Variants in MGAT4A observed in about 807,000 individuals in gnomAD.
MGAT4A encodes the protein N-acetylglucosaminyltransferase IVa.
A neutral mutation model predicts 74.1 loss-of-function variants in MGAT4A; 33 were observed. That is an observed-to-expected ratio of 0.45 (90% CI 0.34 to 0.60). MGAT4A has a LOEUF of 0.60. Among genes scored for constraint, MGAT4A ranks in the 20% least tolerant of loss-of-function variants. MGAT4A has a pLI of 0.02. For missense variants in MGAT4A, 479 were observed against 628.3 expected, an observed-to-expected ratio of 0.76 and a Z score of 2.54; for synonymous variants, 198 against 210.4, an observed-to-expected ratio of 0.94 and a Z score of 0.51.
At chr2:98,640,735 A>G (rs1701394448) in intron 10 of MGAT4A, among the ~76,000 whole-genome samples, 3 of 152,228 alleles carry the variant, frequency 2.0e-5, no homozygotes. Context: ...ATAAATAGTC[A>G]TGATCCAGAA....
chr2:98,651,699 G>A (rs1178395177), intron 8 of MGAT4A, among the ~76,000 whole-genome samples: 1 of 152,098 alleles, frequency 6.6e-6, no homozygotes, highest in Non-Finnish European at 1.5e-5. Flanking sequence ...AATGGCAATA[G>A]TAAGTCTTTC....
At chr2:98,657,857 G>A (rs546940206) in intron 6 of MGAT4A, among the ~76,000 whole-genome samples, 9 of 152,218 alleles carry the variant, frequency 5.9e-5, no homozygotes, top group African/African-American at 1.9e-4. Flanking sequence ...AAATTACTAC[G>A]TTAAATATCT....
Position 98,675,064 on chromosome 2 carries a change from G to A in MGAT4A, c.374C>T (p.Ala125Val), listed in dbSNP as rs1436778228. The change falls in exon 4 of 16, where the codon GCT becomes GTT. Residue 125 changes from alanine to valine, a missense_variant. Transcript: ENST00000393487. Reference protein sequence around the residue: ...LLKNEGSLQPAVQIGNGRTGV... With the variant: ...LLKNEGSLQPVVQIGNGRTGV... ...TGTTCTTCCGTTGCCAATCTGTACA[G>A]CAGGTTGAAGACTTCCTTCATTTTT... is the stretch of plus-strand genomic sequence containing the variant. The A allele has an allele frequency of 6.2e-7, 1 of 1,611,450 alleles. No individual in the cohort carries two copies. The highest frequency in any genetic ancestry group is 8.5e-7 in the Non-Finnish European group (1 of 1,179,316).
At chr2:98,633,693 G>A (rs897861860) in intron 14 of MGAT4A, among the ~76,000 whole-genome samples, 4 of 152,198 alleles carry the variant, frequency 2.6e-5, no homozygotes, top group Non-Finnish European at 5.9e-5. Context: ...AAGAACATAT[G>A]AGTTGATATT....
At chr2:98,650,986 C>T (rs984246534) in intron 8 of MGAT4A, among the ~76,000 whole-genome samples, 2 of 151,074 alleles carry the variant, frequency 1.3e-5, no homozygotes, top group South Asian at 2.1e-4. Flanking sequence ...TCAGGCTGGG[C>T]GCAGCAAGGT....
intron 6 of MGAT4A, 67 bp from the exon 7 acceptor site, chr2:98,656,532 C>T: frequency 9.3e-7 from 1 of 1,074,386 alleles, no homozygotes; most frequent in Non-Finnish European, 1.4e-6. Flanking sequence ...AAGCTCAATA[C>T]ACTGTGTTTA....
chr2:98,708,219 T>C (rs930215202), intron 2 of MGAT4A, among the ~76,000 whole-genome samples: 83 of 152,048 alleles, frequency 5.5e-4, no homozygotes, highest in Admixed American at 2.0e-4. Context: ...CCTCCCACCT[T>C]GGCCTCCCAA....
rs112631083 is a variant in MGAT4A at position 98,720,130 on chromosome 2, G to A, written c.94+6109C>T. Among the ~76,000 whole-genome samples the A allele has an allele frequency of 6.9e-3, 1,048 of 152,288 alleles. 11 individuals carry two copies. Among genetic ancestry groups the A allele is most frequent in the African/African-American group, 0.024 (993 of 41,564 alleles). ...AATTCTGGAGTTGAAAAGTACAATA[G>A]AAGTAAAAATTCACTAGAGGACCTT... On this transcript the variant is annotated intron_variant, in intron 2 of 15. Coordinates refer to ENST00000393487, the MANE Select transcript of MGAT4A (RefSeq NM_012214.3).
chr2:98,668,138 T>C (rs1701863753), intron 4 of MGAT4A, among the ~76,000 whole-genome samples: 1 of 152,196 alleles, frequency 6.6e-6, no homozygotes, highest in Admixed American at 6.5e-5. Flanking sequence ...GAAATTTGCA[T>C]AAGTAATGAG....
intron 3 of MGAT4A, among the ~76,000 whole-genome samples, chr2:98,675,436 G>C (rs1701966478): frequency 6.6e-6 from 1 of 152,092 alleles, no homozygotes; most frequent in Non-Finnish European, 1.5e-5. Context: ...GATGCTAAGG[G>C]CTCACCTCTA....
chr2:98,637,253 C>T (rs1409944311), intron 12 of MGAT4A, among the ~76,000 whole-genome samples: 2 of 151,954 alleles, frequency 1.3e-5, no homozygotes, highest in African/African-American at 4.8e-5. Flanking sequence ...AAGGTCTCAT[C>T]TACAGTGAGC....
chr2:98,708,248 G>A (rs1246528617), intron 2 of MGAT4A, among the ~76,000 whole-genome samples: 1 of 151,942 alleles, frequency 6.6e-6, no homozygotes, highest in African/African-American at 2.4e-5. Flanking sequence ...GATTACAGGC[G>A]TGAGCCACCG....
chr2:98,621,472 T>C lies in MGAT4A; in HGVS notation c.*4094A>G, dbSNP rs370609365. 79 of 1,551,666 alleles carry C rather than the reference T, an allele frequency of 5.1e-5. 1 individual carries two copies. In the South Asian group the frequency reaches 5.5e-4, roughly 11 times the overall value. ...GCCTGAGGTCCTTCTGCTTTGTCTC[T>C]TGACTTCTGCCACCAGCCCGAGAAA... On this transcript the variant is annotated 3_prime_UTR_variant, in exon 16 of 16. Coordinates refer to ENST00000393487, the MANE Select transcript of MGAT4A (RefSeq NM_012214.3).
chr2:98,651,211 C>G (rs1701574315), intron 8 of MGAT4A, among the ~76,000 whole-genome samples: 1 of 152,130 alleles, frequency 6.6e-6, no homozygotes, highest in Non-Finnish European at 1.5e-5. Context: ...AATAAAGCAC[C>G]ATATAAAAAT....
At position 98,623,792 on chromosome 2, in the gene MGAT4A, G is replaced by A. The variant is rs570071320; in HGVS notation, c.*1774C>T. On this transcript the variant is annotated 3_prime_UTR_variant, in exon 16 of 16. Transcript: ENST00000393487. Reference sequence around the variant, plus strand: ...CACTTTGTAACACAGCACAGGAAATGATGCTATTTCATGCTGTTGGTTCAG... The same window carrying A: ...CACTTTGTAACACAGCACAGGAAATAATGCTATTTCATGCTGTTGGTTCAG... 4.0e-5 allele frequency: 39 copies of A among 985,410 alleles called. No individual in the cohort carries two copies. The African/African-American group carries it at 6.6e-4, about 17-fold the overall frequency. The allele number at this position is 985,410 out of a possible 1,614,324, so 61.0% of individuals were successfully genotyped here.
intron 10 of MGAT4A, 113 bp from the exon 11 acceptor site, chr2:98,640,341 G>A: frequency 1.2e-6 from 1 of 840,300 alleles, no homozygotes; most frequent in African/African-American, 1.7e-5. Flanking sequence ...TGGGCGCGGT[G>A]GGTCATGCCT....
Position 98,663,183 on chromosome 2 carries a change from G to T in MGAT4A, c.404-4C>A. ...GGAATGCCCATGACTATTGAAACTG[G>T]AAAAAAAAATAGTAATTATATTAAA... On this transcript the variant is annotated splice_region_variant and splice_polypyrimidine_tract_variant and intron_variant, in intron 4 of 15. Coordinates refer to ENST00000393487, the MANE Select transcript of MGAT4A (RefSeq NM_012214.3). The T allele has an allele frequency of 6.5e-7, 1 of 1,539,522 alleles. No homozygotes were observed. The highest frequency in any genetic ancestry group is 1.3e-5 in the South Asian group (1 of 79,910).
Position 98,621,263 on chromosome 2 carries a change from A to C in MGAT4A, c.*4303T>G, listed in dbSNP as rs926901125. The stretch of plus-strand genomic sequence containing the variant: ...CAAAGTGTTGGCCAGGCTGGGTCTT[A>C]TCTGGAGACTGGAGATGAATGCCTT... On this transcript the variant is annotated 3_prime_UTR_variant, in exon 16 of 16. Transcript: ENST00000393487. 3 of 1,092,034 alleles carry C rather than the reference A, an allele frequency of 2.7e-6. No homozygotes were observed. The highest frequency in any genetic ancestry group is 3.2e-5 in the African/African-American group (2 of 62,194). The allele number at this position is 1,092,034 out of a possible 1,614,324, so 67.6% of individuals were successfully genotyped here. A position where few individuals can be genotyped will look rare whatever the true frequency, so the allele number is the denominator to read the frequency against.
At chr2:98,693,060 G>A (rs1702216531) in intron 2 of MGAT4A, among the ~76,000 whole-genome samples, 2 of 152,100 alleles carry the variant, frequency 1.3e-5, no homozygotes, top group African/African-American at 4.8e-5. Context: ...ATCAACCAGA[G>A]GGAAAACACA....
Sources: gnomAD v4.1 joint callset for allele counts (sites outside exome capture counted in the v4.1 genomes callset) on GRCh38, gnomAD v4.1.1 for gene constraint, MANE v1.5 for transcripts, NCBI Gene and HGNC (gene_info 2026-07-23, HGNC 2026-07-21) for gene names.